FUOM: variants seen among roughly 807,000 people sequenced by gnomAD.
FUOM encodes the protein fucose mutarotase, also known as protein fucU homolog.
Under a neutral mutation model 18.3 loss-of-function variants are expected in FUOM, and 19 were observed. The observed-to-expected ratio is 1.04, with a 90% CI of 0.73 to 1.53. The LOEUF (loss-of-function observed/expected upper bound fraction) is 1.53. Among genes scored for constraint, FUOM ranks in the 40% most tolerant of loss-of-function variants. The pLI, the probability that FUOM is intolerant of heterozygous loss-of-function variation, is 0.00. For missense variants in FUOM, 210 were observed against 200.9 expected, an observed-to-expected ratio of 1.04 and a Z score of -0.27; for synonymous variants, 102 against 87.9, an observed-to-expected ratio of 1.16 and a Z score of -0.90.
chr10:133,355,649 G>C (rs1025435648), intron 5 of FUOM, 89 bp downstream of exon 5: 2 of 1,549,826 alleles, frequency 1.3e-6, no homozygotes, highest in African/African-American at 2.7e-5. Flanking sequence ...AAGAGGGTAG[G>C]GGCAGCTCCT....
intron 4 of FUOM, among the ~76,000 whole-genome samples, chr10:133,356,176 C>A (rs1848788836): frequency 6.6e-6 from 1 of 152,230 alleles, no homozygotes; most frequent in South Asian, 2.1e-4. Context: ...AGTGGGTTGC[C>A]CAGGAAAATG....
chr10:133,357,260 A>G lies in FUOM; in HGVS notation c.86-5T>C, dbSNP rs1377087989. ...GGAAGTTCAAGTCCGCAAGAACTAA[A>G]CAGCCGGGAGGACAGCCCGTGTCGG... On this transcript the variant is annotated splice_region_variant and splice_polypyrimidine_tract_variant and intron_variant, in intron 1 of 5. Transcript: ENST00000278025. 2 of 1,572,114 alleles carry G rather than the reference A, an allele frequency of 1.3e-6. No individual in the cohort carries two copies. Among genetic ancestry groups the G allele is most frequent in the Non-Finnish European group, 1.7e-6 (2 of 1,159,802 alleles).
rs146000004 is a variant in FUOM, at chr10:133,358,012, C to T, written c.-5G>A. ...GACACCCTTCAGCGCCACCATGGCCCGGCAGACGGGGCGGGCGGGGCCTAG... is the reference window on the plus strand; with the variant it reads ...GACACCCTTCAGCGCCACCATGGCCTGGCAGACGGGGCGGGCGGGGCCTAG... On this transcript the variant is annotated 5_prime_UTR_variant, in exon 1 of 6. Coordinates refer to ENST00000278025, the MANE Select transcript of FUOM (RefSeq NM_001098483.3). 1,332 of 1,485,900 alleles carry T rather than the reference C, an allele frequency of 9.0e-4. 2 individuals are homozygous for T. Among genetic ancestry groups the T allele is most frequent in the Non-Finnish European group, 1.0e-3 (1,123 of 1,121,060 alleles). The allele number at this position is 1,485,900 out of a possible 1,614,324, so 92.0% of individuals were successfully genotyped here. A position where few individuals can be genotyped will look rare whatever the true frequency, so the allele number is the denominator to read the frequency against.
chr10:133,355,422 T>C lies in FUOM; in HGVS notation c.413A>G (p.Tyr138Cys), dbSNP rs1231661177. The change falls in exon 6 of 6, where the codon TAC becomes TGC. Residue 138 changes from tyrosine (Y) to cysteine (C), a missense_variant. Coordinates refer to ENST00000278025, the MANE Select transcript of FUOM (RefSeq NM_001098483.3). The part of the protein sequence containing the change: ...AVVATGETAL[Y>C]GNLILRKGVL... Reference sequence around the variant, plus strand: ...CCCCTTCCTGAGGATGAGGTTTCCGTAGAGGGCCGTCTCCCTGCAGAGGAG... The same window carrying C: ...CCCCTTCCTGAGGATGAGGTTTCCGCAGAGGGCCGTCTCCCTGCAGAGGAG... 6.2e-7 allele frequency: 1 copy of C among 1,609,912 alleles called. No homozygotes were observed. Among genetic ancestry groups the C allele is most frequent in the Admixed American group, 1.7e-5 (1 of 59,798 alleles).
chr10:133,354,786 A>AC (rs113869236), downstream of FUOM, among the ~76,000 whole-genome samples: 11,593 of 152,136 alleles, frequency 0.076, 1,050 homozygotes, highest in African/African-American at 0.22. Flanking sequence ...GAGGCCACCT[A>AC]TGCCACAGGC....
downstream of FUOM, chr10:133,355,097 GGA>G (rs1389421498): frequency 1.6e-5 from 8 of 512,540 alleles, no homozygotes; most frequent in African/African-American, 1.3e-4. Context: ...GGGCCACTCT[GGA>G]GCCAGCAGCC....
chr10:133,355,652 C>A (rs1408644979), intron 5 of FUOM, 86 bp downstream of exon 5: 2 of 1,552,974 alleles, frequency 1.3e-6, no homozygotes, highest in East Asian at 4.5e-5. Context: ...AGGGTAGGGG[C>A]AGCTCCTGAG....
At chr10:133,357,622 G>A (rs1848852167) in intron 1 of FUOM, 1 of 488,224 alleles carries the variant, frequency 2.0e-6, no homozygotes, top group African/African-American at 2.1e-5. Flanking sequence ...CCTGCCCCGG[G>A]ACCCCAGGCC....
At chr10:133,355,701 G>T (rs1202949460) in intron 5 of FUOM, 37 bp downstream of exon 5, 4 of 1,589,340 alleles carry the variant, frequency 2.5e-6, no homozygotes, top group Non-Finnish European at 3.5e-6. Context: ...TGAGGCCCCA[G>T]TGGGGATGGG....
In FUOM at chr10:133,355,813, TG is replaced by T. The variant is rs1383026392; in HGVS notation, c.325-3del. ...CCTCTCTATCTTTGCCAGGGCTCTC[TG>T]GAAGACAAAATGGCAGGGTTGGAGG... On this transcript the variant is annotated splice_region_variant and splice_polypyrimidine_tract_variant and intron_variant, in intron 4 of 5. Transcript: ENST00000278025. 11 of 1,612,496 alleles carry T rather than the reference TG, an allele frequency of 6.8e-6. No individual in the cohort carries two copies. Among genetic ancestry groups the T allele is most frequent in the Non-Finnish European group, 7.6e-6 (9 of 1,179,682 alleles).
chr10:133,357,990 A>G lies in FUOM; in HGVS notation c.18T>C (p.Gly6=), dbSNP rs902531105. Reference sequence around the variant, plus strand: ...GCTCGGGGGACAGCAGTGCGGGGACACCCTTCAGCGCCACCATGGCCCGGC... The same window carrying G: ...GCTCGGGGGACAGCAGTGCGGGGACGCCCTTCAGCGCCACCATGGCCCGGC... MVALK[G]VPALLSPELL... Residue 6 remains glycine, a synonymous_variant, in exon 1 of 6, where the codon GGT becomes GGC. Transcript: ENST00000278025. 4.5e-5 allele frequency: 68 copies of G among 1,511,416 alleles called. No individual in the cohort carries two copies. The highest frequency in any genetic ancestry group is 5.9e-5 in the Non-Finnish European group (67 of 1,134,700). 93.6% of individuals were successfully genotyped at this position (1,511,416 alleles called of 1,614,324 possible).
chr10:133,355,059 C>T (rs1848741891), downstream of FUOM: 1 of 409,184 alleles, frequency 2.4e-6, no homozygotes, highest in Non-Finnish European at 4.5e-6. Context: ...GCCTGATTTC[C>T]CACTCAAGGT....
downstream of FUOM, chr10:133,355,113 C>T: frequency 1.8e-6 from 1 of 547,782 alleles, no homozygotes; most frequent in Non-Finnish European, 3.3e-6. Context: ...AGCAGCCTCC[C>T]TTGAGCTCAG....
chr10:133,357,444 G>A, intron 1 of FUOM, 189 bp from the exon 2 acceptor site: 2 of 647,422 alleles, frequency 3.1e-6, no homozygotes, highest in East Asian at 2.8e-5. Context: ...CGGGGAGGTG[G>A]GGAGGGCAAG....
chr10:133,352,953 C>A (rs1265595224), downstream of FUOM, among the ~76,000 whole-genome samples: 1 of 152,214 alleles, frequency 6.6e-6, no homozygotes, highest in African/African-American at 2.4e-5. Context: ...CCAGGTGACC[C>A]TTGGCTCCCA....
chr10:133,356,955 A>G lies in FUOM; in HGVS notation c.213T>C (p.Tyr71=), dbSNP rs542782707. Reference sequence around the variant, plus strand: ...ACTCAGCCCTCACCGGACTCTCCACATAGGTGTCCAGGGGCAGCAGCTTCA... The same window carrying G: ...ACTCAGCCCTCACCGGACTCTCCACGTAGGTGTCCAGGGGCAGCAGCTTCA... ...AVLKLLPLDT[Y]VESPAAVMEL... Residue 71 remains tyrosine, a synonymous_variant, in exon 3 of 6, where the codon TAT becomes TAC. Coordinates refer to ENST00000278025, the MANE Select transcript of FUOM (RefSeq NM_001098483.3). 3.2e-6 allele frequency: 5 copies of G among 1,550,272 alleles called. No homozygotes were observed. The African/African-American group carries it at 6.8e-5, about 21-fold the overall frequency.
downstream of FUOM, among the ~76,000 whole-genome samples, chr10:133,353,560 CAG>C (rs1491036142): frequency 6.6e-6 from 1 of 152,198 alleles, no homozygotes; most frequent in African/African-American, 2.4e-5. Flanking sequence ...TGTGGCCACT[CAG>C]GGGGCTGAGG....
chr10:133,353,715 G>A (rs1417493548), downstream of FUOM, among the ~76,000 whole-genome samples: 2 of 152,202 alleles, frequency 1.3e-5, no homozygotes, highest in Non-Finnish European at 2.9e-5. Flanking sequence ...TGGATGAGCT[G>A]GAGAGGCCAG....
In FUOM at chr10:133,356,925, G is replaced by A. The variant is rs1157466168; in HGVS notation, c.225+18C>T. On this transcript the variant is annotated intron_variant, in intron 3 of 5. Coordinates refer to ENST00000278025, the MANE Select transcript of FUOM (RefSeq NM_001098483.3). ...TGAGGCACGGAGCAGCAGGGTGCAG[G>A]GGCGACTCAGCCCTCACCGGACTCT... is the stretch of plus-strand genomic sequence containing the variant. 3 of 1,549,392 alleles carry A rather than the reference G, an allele frequency of 1.9e-6. No individual in the cohort carries two copies. The highest frequency in any genetic ancestry group is 2.6e-6 in the Non-Finnish European group (3 of 1,146,206).
Sources: gnomAD v4.1 joint callset for allele counts (sites outside exome capture counted in the v4.1 genomes callset) on GRCh38, gnomAD v4.1.1 for gene constraint, MANE v1.5 for transcripts, NCBI Gene and HGNC (gene_info 2026-07-23, HGNC 2026-07-21) for gene names.